TAS2R1: variants seen among roughly 807,000 people sequenced by gnomAD.
TAS2R1 encodes the protein taste 2 receptor member 1.
For synonymous variants in TAS2R1, 141 were observed against 134.2 expected (o/e 1.05, Z -0.35); for missense variants, 370 against 353.4 (o/e 1.05, Z -0.38).
At chr5:9,763,528 T>C in the TAS2R1 span, among the ~76,000 whole-genome samples, 2 of 151,490 alleles carry the variant, frequency 1.3e-5, no homozygotes, top group Admixed American at 1.3e-4. Context: ...AGAAAAATTA[T>C]GTATGAGAGA....
At chr5:9,881,924 A>G in the TAS2R1 span, among the ~76,000 whole-genome samples, 45 of 152,228 alleles carry the variant, frequency 3.0e-4, no homozygotes, top group Admixed American at 1.0e-3. Flanking sequence ...AATCTGGGCA[A>G]TACCATTCAG....
chr5:9,716,924 A>G (rs1207882042), upstream of TAS2R1, among the ~76,000 whole-genome samples: 5 of 152,126 alleles, frequency 3.3e-5, no homozygotes. Context: ...ATAAAACCAC[A>G]CAGGACTCAT....
intron 1 of TAS2R1, among the ~76,000 whole-genome samples, chr5:9,667,277 C>A (rs1237342319): frequency 1.3e-5 from 2 of 152,186 alleles, no homozygotes; most frequent in Non-Finnish European, 2.9e-5. Flanking sequence ...GCAACTCTAC[C>A]TACCCCCACC....
At chr5:9,732,322 T>A in the TAS2R1 span, among the ~76,000 whole-genome samples, 1 of 152,150 alleles carries the variant, frequency 6.6e-6, no homozygotes, top group Non-Finnish European at 1.5e-5. Flanking sequence ...ACTGGAAAGA[T>A]GTGCAGCGAC....
chr5:9,768,515 G>C, the TAS2R1 span, among the ~76,000 whole-genome samples: 2 of 152,034 alleles, frequency 1.3e-5, no homozygotes, highest in Non-Finnish European at 2.9e-5. Flanking sequence ...ATGGCCTCCT[G>C]GTTCCTTAAA....
At chr5:9,688,250 A>T (rs1169201272) in intron 1 of TAS2R1, among the ~76,000 whole-genome samples, 1 of 152,220 alleles carries the variant, frequency 6.6e-6, no homozygotes, top group Non-Finnish European at 1.5e-5. Flanking sequence ...GCATGTTAAG[A>T]CAGAATAACA....
At chr5:9,707,634 C>T (rs539160366) in intron 1 of TAS2R1, among the ~76,000 whole-genome samples, 13 of 152,142 alleles carry the variant, frequency 8.5e-5, no homozygotes, top group African/African-American at 3.1e-4. Flanking sequence ...AGTGAGCTGA[C>T]ATCGCACCAC....
chr5:9,637,035 G>A (rs185191068), intron 2 of TAS2R1, among the ~76,000 whole-genome samples: 15 of 151,304 alleles, frequency 9.9e-5, no homozygotes, highest in Admixed American at 9.9e-4. Flanking sequence ...TGAGATTTAT[G>A]CTTTAAGGAG....
At chr5:9,678,773 G>A (rs966765525) in intron 1 of TAS2R1, among the ~76,000 whole-genome samples, 1 of 152,114 alleles carries the variant, frequency 6.6e-6, no homozygotes, top group African/African-American at 2.4e-5. Context: ...ACACACTGGA[G>A]CCTGTTGGGG....
At chr5:9,896,968 G>A in the TAS2R1 span, among the ~76,000 whole-genome samples, 1 of 152,182 alleles carries the variant, frequency 6.6e-6, no homozygotes, top group Non-Finnish European at 1.5e-5. Context: ...CGATGGTTCA[G>A]AGAGGCAAGT....
the TAS2R1 span, among the ~76,000 whole-genome samples, chr5:9,749,729 A>C: frequency 6.6e-6 from 1 of 152,248 alleles, no homozygotes; most frequent in Non-Finnish European, 1.5e-5. Context: ...AAATTGTCTT[A>C]TAAGTCAAGT....
At chr5:9,781,011 A>G in the TAS2R1 span, among the ~76,000 whole-genome samples, 5 of 152,120 alleles carry the variant, frequency 3.3e-5, no homozygotes, top group Admixed American at 6.5e-5. Context: ...GTGTGAGCCA[A>G]TTTCTTAAAG....
the TAS2R1 span, among the ~76,000 whole-genome samples, chr5:9,900,289 T>C: frequency 6.6e-6 from 1 of 152,268 alleles, no homozygotes; most frequent in East Asian, 1.9e-4. Flanking sequence ...GACATGTTCT[T>C]AGAACCACCT....
At chr5:9,742,319 A>G in the TAS2R1 span, among the ~76,000 whole-genome samples, 1 of 152,234 alleles carries the variant, frequency 6.6e-6, no homozygotes, top group Non-Finnish European at 1.5e-5. Context: ...AACTTTAGGC[A>G]GACTCAATAA....
At chr5:9,643,509 G>T (rs1271801244) in intron 2 of TAS2R1, among the ~76,000 whole-genome samples, 1 of 152,132 alleles carries the variant, frequency 6.6e-6, no homozygotes, top group African/African-American at 2.4e-5. Context: ...TGAGTGAGAG[G>T]TGAGTGAATG....
At chr5:9,736,206 C>T in the TAS2R1 span, among the ~76,000 whole-genome samples, 1 of 152,356 alleles carries the variant, frequency 6.6e-6, no homozygotes, top group South Asian at 2.1e-4. Flanking sequence ...TTCTTCCTCA[C>T]TTCCCATGGC....
At chr5:9,879,736 C>T in the TAS2R1 span, among the ~76,000 whole-genome samples, 1 of 152,110 alleles carries the variant, frequency 6.6e-6, no homozygotes, top group Non-Finnish European at 1.5e-5. Context: ...TAGAATATAC[C>T]AATGAGGCAT....
At chr5:9,637,038 T>C (rs997838465) in intron 2 of TAS2R1, among the ~76,000 whole-genome samples, 1 of 152,204 alleles carries the variant, frequency 6.6e-6, no homozygotes, top group Non-Finnish European at 1.5e-5. Context: ...GATTTATGCT[T>C]TAAGGAGATT....
chr5:9,895,996 T>G, the TAS2R1 span, among the ~76,000 whole-genome samples: 141,642 of 152,122 alleles, frequency 0.93, 66,774 homozygotes, highest in East Asian at 1. Context: ...CCTCTAAAAT[T>G]TCTATGATGA....
Sources: allele counts gnomAD v4.1 joint callset (sites outside exome capture counted in the v4.1 genomes callset), GRCh38; gene constraint gnomAD v4.1.1; transcripts MANE v1.5; gene names NCBI Gene and HGNC (gene_info 2026-07-23, HGNC 2026-07-21).